RSU1: variants seen among roughly 807,000 people sequenced by gnomAD.
RSU1 encodes Ras suppressor protein 1, also known as rsu-1.
In RSU1, 26 loss-of-function variants were observed where a neutral mutation model predicts 31.1. The ratio of observed to expected loss-of-function variants is 0.84; its 90% confidence interval spans 0.61 to 1.16. RSU1 has a LOEUF of 1.16. RSU1 is among the 50% of genes most tolerant of loss of function. The probability of loss-of-function intolerance (pLI) is 0.00; values close to 1 mark genes in which losing one functional copy is unlikely to be tolerated. For missense variants in RSU1, 320 were observed against 339.1 expected, an observed-to-expected ratio of 0.94 and a Z score of 0.44; for synonymous variants, 164 against 136.3, an observed-to-expected ratio of 1.20 and a Z score of -1.41.
intron 8 of RSU1, among the ~76,000 whole-genome samples, chr10:16,601,463 G>C (rs902762577): frequency 6.6e-5 from 10 of 152,120 alleles, no homozygotes; most frequent in Non-Finnish European, 1.5e-4. Context: ...TTAATTAGCT[G>C]TTTTATGGTA....
chr10:16,738,867 A>C (rs1266681814), intron 7 of RSU1, among the ~76,000 whole-genome samples: 285 of 130,102 alleles, frequency 2.2e-3, no homozygotes, highest in African/African-American at 2.3e-3. Context: ...CTTGCCCCCC[A>C]CCCCCCCAGC....
intron 8 of RSU1, among the ~76,000 whole-genome samples, chr10:16,634,422 A>G (rs777590752): frequency 6.6e-6 from 1 of 152,184 alleles, no homozygotes; most frequent in African/African-American, 2.4e-5. Context: ...ATCTCCCGGT[A>G]TTTGTTATAA....
chr10:16,718,097 T>TAAAAAAAAA (rs11411668), intron 7 of RSU1, among the ~76,000 whole-genome samples: 1 of 136,198 alleles, frequency 7.3e-6, no homozygotes, highest in African/African-American at 2.7e-5. Flanking sequence ...TCAATTTATT[T>TAAAAAAAAA]AAAAAAAAAA....
chr10:16,768,323 G>GA (rs1837355447), intron 3 of RSU1, among the ~76,000 whole-genome samples: 1 of 152,176 alleles, frequency 6.6e-6, no homozygotes, highest in Non-Finnish European at 1.5e-5. Context: ...GATGGATTAT[G>GA]AAAATCAATG....
chr10:16,674,519 T>C (rs1249802057), intron 8 of RSU1, among the ~76,000 whole-genome samples: 2 of 151,256 alleles, frequency 1.3e-5, no homozygotes, highest in African/African-American at 4.9e-5. Context: ...TGCCAGGCAA[T>C]GTCTGAAGCT....
Position 16,593,157 on chromosome 10 carries a change from G to A in RSU1, c.*237C>T. On this transcript the variant is annotated 3_prime_UTR_variant, in exon 9 of 9. Transcript: ENST00000345264. ...GAATTCGCAGTTGAATAAGAGCTTT[G>A]TTCCCTGCTTTTGGTAATGTTAAAG... 1.6e-6 allele frequency: 1 copy of A among 634,646 alleles called. No homozygotes were observed. The highest frequency in any genetic ancestry group is 3.6e-5 in the East Asian group (1 of 27,918). 39.3% of individuals were successfully genotyped at this position (634,646 alleles called of 1,614,324 possible).
In RSU1 at chr10:16,686,057, T is replaced by C. The variant is rs566005164; in HGVS notation, c.731+8966A>G. 1.2e-4 allele frequency among the ~76,000 whole-genome samples: 18 copies of C among 152,288 alleles called. 1 individual carries two copies. In the South Asian group the frequency reaches 3.3e-3, roughly 28 times the overall value. ...ATAAAGTTGATTGAAACTCCTTTCA[T>C]AGCATTTTGCATTTTAATCTAAAAT... On this transcript the variant is annotated intron_variant, in intron 8 of 8. Transcript: ENST00000345264.
At chr10:16,716,356 G>C (rs1426977816) in intron 7 of RSU1, among the ~76,000 whole-genome samples, 1 of 152,128 alleles carries the variant, frequency 6.6e-6, no homozygotes, top group African/African-American at 2.4e-5. Context: ...TTATTTTTAA[G>C]AGTAGAAACG....
At chr10:16,661,967 T>C (rs1174836036) in intron 8 of RSU1, among the ~76,000 whole-genome samples, 4 of 152,258 alleles carry the variant, frequency 2.6e-5, no homozygotes, top group East Asian at 1.9e-4. Context: ...TAGTCTACCA[T>C]GGTGAGAAGG....
chr10:16,732,144 G>A (rs1231083743), intron 7 of RSU1, among the ~76,000 whole-genome samples: 2 of 152,112 alleles, frequency 1.3e-5, no homozygotes, highest in Non-Finnish European at 2.9e-5. Flanking sequence ...GTGCTCATGG[G>A]AAGTACACAA....
chr10:16,805,758 A>G lies in RSU1; in HGVS notation c.109+11215T>C, dbSNP rs140940344. 6.6e-5 allele frequency among the ~76,000 whole-genome samples: 10 copies of G among 151,296 alleles called. No homozygotes were observed. The East Asian group carries it at 1.9e-3, about 29-fold the overall frequency. ...AACTGTTTTTAGCAATACTGGCATT[A>G]GTAATATTAGTATTGTTAATTGCGT... On this transcript the variant is annotated intron_variant, in intron 2 of 8. Transcript: ENST00000345264.
At chr10:16,644,828 T>C (rs914172727) in intron 8 of RSU1, among the ~76,000 whole-genome samples, 1 of 152,264 alleles carries the variant, frequency 6.6e-6, no homozygotes, top group East Asian at 1.9e-4. Flanking sequence ...CAGGTTAAAT[T>C]ACATTTAAGA....
intron 3 of RSU1, among the ~76,000 whole-genome samples, chr10:16,769,052 A>G (rs1157699008): frequency 6.6e-6 from 1 of 152,202 alleles, no homozygotes; most frequent in Non-Finnish European, 1.5e-5. Flanking sequence ...CATTCACAAA[A>G]TCAACAATCA....
intron 7 of RSU1, among the ~76,000 whole-genome samples, chr10:16,744,922 C>A (rs1490085076): frequency 1.3e-5 from 2 of 152,152 alleles, no homozygotes; most frequent in Non-Finnish European, 2.9e-5. Context: ...TTCCTATGTG[C>A]CTCAGTTTTC....
intron 7 of RSU1, among the ~76,000 whole-genome samples, chr10:16,749,504 A>C (rs750075248): frequency 6.6e-6 from 1 of 152,198 alleles, no homozygotes; most frequent in African/African-American, 2.4e-5. Flanking sequence ...TCCACACTTT[A>C]AAACACCCCC....
chr10:16,630,442 C>T (rs78971691), intron 8 of RSU1, among the ~76,000 whole-genome samples: 3 of 152,226 alleles, frequency 2.0e-5, no homozygotes, highest in South Asian at 2.1e-4. Context: ...AAGGGTCTGT[C>T]GGCCTCTTTC....
intron 8 of RSU1, among the ~76,000 whole-genome samples, chr10:16,665,484 A>C (rs1834971876): frequency 6.6e-6 from 1 of 152,190 alleles, no homozygotes; most frequent in South Asian, 2.1e-4. Flanking sequence ...CTCAACAAAT[A>C]ATACTCAAAG....
At chr10:16,713,397 A>AT (rs35552707) in intron 7 of RSU1, among the ~76,000 whole-genome samples, 177 of 150,410 alleles carry the variant, frequency 1.2e-3, no homozygotes, top group Non-Finnish European at 1.3e-3. Flanking sequence ...TAAAATTCTT[A>AT]TTTTTTTTTC....
intron 5 of RSU1, among the ~76,000 whole-genome samples, chr10:16,753,229 A>G (rs1316658522): frequency 6.6e-6 from 1 of 152,202 alleles, no homozygotes; most frequent in Non-Finnish European, 1.5e-5. Flanking sequence ...GACGCAATTA[A>G]CAACTGTGGG....
Sources: allele counts gnomAD v4.1 joint callset (sites outside exome capture counted in the v4.1 genomes callset), GRCh38; gene constraint gnomAD v4.1.1; transcripts MANE v1.5; gene names NCBI Gene and HGNC (gene_info 2026-07-23, HGNC 2026-07-21).